TNIK: variants seen among roughly 807,000 people sequenced by gnomAD.
TNIK encodes the protein TRAF2 and NCK-interacting protein kinase.
TNIK carries 49 observed loss-of-function variants against 191.3 expected under a neutral mutation model. The ratio of observed to expected loss-of-function variants is 0.26; its 90% CI spans 0.20 to 0.32. The LOEUF is 0.32. TNIK is among the 10% of genes least tolerant of loss of function. The pLI, the probability that TNIK is intolerant of heterozygous loss-of-function variation, is 1.00. For synonymous variants in TNIK, 594 were observed against 600.9 expected, an observed-to-expected ratio of 0.99 and a Z score of 0.17; for missense variants, 1,155 against 1,702.3, an observed-to-expected ratio of 0.68 and a Z score of 5.66.
intron 2 of TNIK, among the ~76,000 whole-genome samples, chr3:171,344,091 C>A (rs993327940): frequency 1.3e-5 from 2 of 152,102 alleles, no homozygotes; most frequent in African/African-American, 4.8e-5. Context: ...CTATGCCTCC[C>A]CAAAAAAGCA....
At position 171,082,261 on chromosome 3, in the gene TNIK, C is replaced by T. The variant is rs1386991811; in HGVS notation, c.3303G>A (p.Val1101=). The change falls in exon 27 of 33, where the codon GTG becomes GTA. Residue 1101 remains valine, a synonymous_variant. Coordinates refer to ENST00000436636, the MANE Select transcript of TNIK (RefSeq NM_015028.4). ...ATCTTAGTAACATACCTGAAATTGT[C>T]ACAAGGACATTCAGTCCCTCTAGCA... is the stretch of plus-strand genomic sequence containing the variant. ...MDVLEGLNVL[V]TISGKKNKLR... 1.9e-6 allele frequency: 3 copies of T among 1,612,774 alleles called. No individual in the cohort carries two copies. In the East Asian group the frequency reaches 6.7e-5, roughly 36 times the overall value.
At chr3:171,436,012 T>G (rs1449532938) in intron 1 of TNIK, among the ~76,000 whole-genome samples, 1 of 151,708 alleles carries the variant, frequency 6.6e-6, no homozygotes, top group East Asian at 1.9e-4. Context: ...ACACAACACA[T>G]GCAGACTTAA....
intron 3 of TNIK, among the ~76,000 whole-genome samples, chr3:171,212,202 C>A (rs1167068404): frequency 2.0e-5 from 3 of 152,096 alleles, no homozygotes; most frequent in Admixed American, 1.3e-4. Flanking sequence ...GGCTGCACTG[C>A]CTCCTTCCAG....
At chr3:171,205,226 T>C (rs1739909831) in intron 4 of TNIK, among the ~76,000 whole-genome samples, 1 of 152,248 alleles carries the variant, frequency 6.6e-6, no homozygotes, top group Non-Finnish European at 1.5e-5. Context: ...CTGTCTTTCT[T>C]CTTCCTAGTT....
At chr3:171,350,657 AAC>A (rs1369624910) in intron 2 of TNIK, among the ~76,000 whole-genome samples, 20 of 151,820 alleles carry the variant, frequency 1.3e-4, no homozygotes, top group Admixed American at 1.2e-3. Flanking sequence ...AATTTCAGAT[AAC>A]AGAGTATACT....
chr3:171,217,028 C>T (rs575972594), intron 3 of TNIK, among the ~76,000 whole-genome samples: 18 of 152,032 alleles, frequency 1.2e-4, no homozygotes, highest in Non-Finnish European at 1.9e-4. Context: ...ATTTACTCAA[C>T]CCAGCAAACC....
At chr3:171,392,302 T>C (rs1719637534) in intron 1 of TNIK, among the ~76,000 whole-genome samples, 2 of 152,136 alleles carry the variant, frequency 1.3e-5, no homozygotes. Flanking sequence ...AAAAGGGTGA[T>C]TCCAGAAATT....
At chr3:171,298,484 G>A (rs906132111) in intron 2 of TNIK, among the ~76,000 whole-genome samples, 6 of 152,184 alleles carry the variant, frequency 3.9e-5, no homozygotes, top group Non-Finnish European at 8.8e-5. Flanking sequence ...GTCAGATCAC[G>A]TGATATAGTT....
At chr3:171,228,300 T>A in intron 2 of TNIK, 79 bp from the exon 3 acceptor site, 1 of 1,546,504 alleles carries the variant, frequency 6.5e-7, no homozygotes, top group South Asian at 1.1e-5. Flanking sequence ...AAAGAAAAAT[T>A]GCTTGGATCA....
chr3:171,066,553 G>A, intron 31 of TNIK, 23 bp downstream of exon 31: 3 of 1,613,160 alleles, frequency 1.9e-6, no homozygotes, highest in Non-Finnish European at 2.5e-6. Context: ...ACTGCTGAAG[G>A]AGATAAGGAA....
intron 2 of TNIK, among the ~76,000 whole-genome samples, chr3:171,270,420 G>C (rs1385973291): frequency 6.6e-6 from 1 of 152,148 alleles, no homozygotes; most frequent in African/African-American, 2.4e-5. Flanking sequence ...CACCACTATA[G>C]AGCGACTGTT....
chr3:171,177,741 C>CA (rs1736131215), intron 7 of TNIK, among the ~76,000 whole-genome samples: 1 of 152,104 alleles, frequency 6.6e-6, no homozygotes, highest in South Asian at 2.1e-4. Context: ...TAAAGTACAC[C>CA]ATTTGATAAG....
intron 2 of TNIK, among the ~76,000 whole-genome samples, chr3:171,345,958 A>T (rs1449082019): frequency 1.3e-5 from 2 of 152,126 alleles, no homozygotes; most frequent in Non-Finnish European, 2.9e-5. Context: ...GGATGGATGG[A>T]TGGTAGATGG....
chr3:171,153,243 C>A (rs1272260670), intron 12 of TNIK, among the ~76,000 whole-genome samples: 1 of 152,124 alleles, frequency 6.6e-6, no homozygotes, highest in Non-Finnish European at 1.5e-5. Context: ...CCTTCCACTT[C>A]CTTATCAAAT....
At chr3:171,290,111 A>G (rs777081351) in intron 2 of TNIK, among the ~76,000 whole-genome samples, 3 of 152,182 alleles carry the variant, frequency 2.0e-5, no homozygotes, top group Non-Finnish European at 4.4e-5. Flanking sequence ...GAGGATGGGA[A>G]AAACAGCTTG....
At position 171,209,128 on chromosome 3, in the gene TNIK, T is replaced by C. The variant is rs568688630; in HGVS notation, c.306+1988A>G. On this transcript the variant is annotated intron_variant, in intron 4 of 32. Transcript: ENST00000436636. ...CAACTGCCCTTAAGTTGGACCAGTG[T>C]TCATTCCATGAGCAGTGGGTATGAG... Among the ~76,000 whole-genome samples the C allele has an allele frequency of 6.6e-5, 10 of 150,864 alleles. 1 individual carries two copies. The South Asian group carries it at 2.1e-3, about 32-fold the overall frequency.
Position 171,156,595 on chromosome 3 carries a change from AAG to A in TNIK, c.1221+863_1221+864del, listed in dbSNP as rs531407605. ...GAGGCTTTGATTTATCTGGCAGAGG[AAG>A]GAGGCCTGAGATATCTGGGCAAAGT... On this transcript the variant is annotated intron_variant, in intron 12 of 32. Coordinates refer to ENST00000436636, the MANE Select transcript of TNIK (RefSeq NM_015028.4). Among the ~76,000 whole-genome samples, 116 of 152,336 alleles carry A rather than the reference AAG, an allele frequency of 7.6e-4. 1 individual carries two copies. The highest frequency in any genetic ancestry group is 2.6e-3 in the African/African-American group (109 of 41,574).
At chr3:171,272,072 G>A (rs953429075) in intron 2 of TNIK, among the ~76,000 whole-genome samples, 6 of 152,162 alleles carry the variant, frequency 3.9e-5, no homozygotes, top group South Asian at 2.1e-4. Flanking sequence ...GCCACCACCC[G>A]GAGATGGTAA....
At chr3:171,118,407 A>C in intron 18 of TNIK, among the ~76,000 whole-genome samples, 1 of 152,216 alleles carries the variant, frequency 6.6e-6, no homozygotes, top group East Asian at 1.9e-4. Context: ...CAAGCTACCA[A>C]TGACTTTCTT....
Sources: allele counts gnomAD v4.1 joint callset (sites outside exome capture counted in the v4.1 genomes callset), GRCh38; gene constraint gnomAD v4.1.1; transcripts MANE v1.5; gene names NCBI Gene and HGNC (gene_info 2026-07-23, HGNC 2026-07-21).